Variants in IQSEC1 observed in about 807,000 individuals in gnomAD.
IQSEC1 encodes IQ motif and SEC7 domain-containing protein 1.
In IQSEC1, 31 loss-of-function variants were observed where a neutral mutation model predicts 91.0. The observed-to-expected ratio is 0.34, with a 90% CI of 0.26 to 0.46. The LOEUF is 0.46. Among genes scored for constraint, IQSEC1 ranks in the 20% least tolerant of loss-of-function variants. The probability of loss-of-function intolerance (pLI) is 1.00; values close to 1 mark genes in which losing one functional copy is unlikely to be tolerated. For missense variants in IQSEC1, 1,388 were observed against 1,575.6 expected (o/e 0.88, Z 2.02); for synonymous variants, 699 against 662.6 (o/e 1.05, Z -0.84).
intron 1 of IQSEC1, among the ~76,000 whole-genome samples, chr3:13,169,745 T>C (rs1484480957): frequency 2.0e-5 from 3 of 152,202 alleles, no homozygotes; most frequent in Non-Finnish European, 2.9e-5. Context: ...CTCTAGAGAT[T>C]TGTGGAACTT....
At chr3:12,932,775 C>T (rs2125280618) in intron 3 of IQSEC1, among the ~76,000 whole-genome samples, 1 of 152,346 alleles carries the variant, frequency 6.6e-6, no homozygotes, top group East Asian at 1.9e-4. Flanking sequence ...ACCCTCCTGC[C>T]TCTGGCTCCT....
At chr3:13,034,367 G>A (rs921010860) in intron 1 of IQSEC1, among the ~76,000 whole-genome samples, 1 of 152,246 alleles carries the variant, frequency 6.6e-6, no homozygotes, top group Non-Finnish European at 1.5e-5. Flanking sequence ...GTTACCAAGA[G>A]CAAGAAGTGT....
At chr3:12,920,406 G>C in intron 6 of IQSEC1, 24 bp downstream of exon 6, 1 of 1,608,776 alleles carries the variant, frequency 6.2e-7, no homozygotes, top group Non-Finnish European at 8.5e-7. Flanking sequence ...ATCTGTGGCT[G>C]GCCGACCGCC....
chr3:12,926,669 A>G (rs1697168695), intron 3 of IQSEC1, among the ~76,000 whole-genome samples: 1 of 152,240 alleles, frequency 6.6e-6, no homozygotes, highest in Admixed American at 6.5e-5. Flanking sequence ...CCCAGCAGGT[A>G]GAAGTCAGCA....
intron 2 of IQSEC1, among the ~76,000 whole-genome samples, chr3:13,159,720 C>T (rs564014547): frequency 1.3e-5 from 2 of 152,162 alleles, no homozygotes; most frequent in African/African-American, 4.8e-5. Context: ...ACAGTGAGAA[C>T]TCATTGAATG....
At chr3:13,167,891 G>A (rs762258826) in intron 1 of IQSEC1, among the ~76,000 whole-genome samples, 4 of 152,222 alleles carry the variant, frequency 2.6e-5, no homozygotes, top group Non-Finnish European at 4.4e-5. Flanking sequence ...AATGTTCTCA[G>A]CTTCTCTGGG....
Position 12,900,826 on chromosome 3 carries a change from C to T in IQSEC1, c.*157G>A, listed in dbSNP as rs1009177262. On this transcript the variant is annotated 3_prime_UTR_variant, in exon 14 of 14. Coordinates refer to ENST00000613206, the MANE Select transcript of IQSEC1 (RefSeq NM_001134382.3). ...GGGCCTTTGTTCCACACAACACCAG[C>T]CCTGTGGGCTCCTGGGGCTCCGGTT... 4 of 1,505,540 alleles carry T rather than the reference C, an allele frequency of 2.7e-6. No homozygotes were observed. The highest frequency in any genetic ancestry group is 1.8e-4 in the Middle Eastern group (1 of 5,538). 93.3% of individuals were successfully genotyped at this position (1,505,540 alleles called of 1,614,324 possible).
Position 13,103,605 on chromosome 3 carries a change from T to C in IQSEC1, c.303-56083A>G, listed in dbSNP as rs747713450. Among the ~76,000 whole-genome samples, 13 of 151,868 alleles carry C rather than the reference T, an allele frequency of 8.6e-5. No homozygotes were observed. The highest frequency in any genetic ancestry group is 1.8e-4 in the Non-Finnish European group (12 of 67,982). ...GCAAGAGCCAGAGCCGAGTGTGCCA[T>C]TGGGGTGGGCAATTTGCAGGATGAG... On this transcript the variant is annotated intron_variant, in intron 2 of 15. Coordinates refer to the IQSEC1 transcript ENST00000648114. This position sits in a 1 kb window ranked among gnomAD's most constrained non-coding sequence, Gnocchi z 4.1.
intron 1 of IQSEC1, among the ~76,000 whole-genome samples, chr3:12,953,059 T>C (rs1313752556): frequency 2.0e-5 from 3 of 152,222 alleles, no homozygotes; most frequent in Admixed American, 6.5e-5. Flanking sequence ...CAGCTGCTGA[T>C]AGGGCCTGAT....
intron 1 of IQSEC1, among the ~76,000 whole-genome samples, chr3:12,959,274 G>A (rs897653696): frequency 6.6e-5 from 10 of 152,208 alleles, no homozygotes; most frequent in South Asian, 2.1e-4. Context: ...TGGCAGGGGC[G>A]CAGCCTGGCT....
intron 1 of IQSEC1, among the ~76,000 whole-genome samples, chr3:13,169,509 C>T (rs897862685): frequency 3.3e-5 from 5 of 152,140 alleles, no homozygotes; most frequent in African/African-American, 4.8e-5. Flanking sequence ...GTAACAGACA[C>T]GGGTTGGAAC....
chr3:13,208,600 C>T (rs1257938013), intron 1 of IQSEC1, among the ~76,000 whole-genome samples: 1 of 152,242 alleles, frequency 6.6e-6, no homozygotes, highest in Non-Finnish European at 1.5e-5. Context: ...ATTTGCATGT[C>T]TGTTCCCCAG....
intron 9 of IQSEC1, 94 bp downstream of exon 9, chr3:12,913,334 T>G (rs1695745634): frequency 2.2e-6 from 3 of 1,362,846 alleles, no homozygotes; most frequent in Admixed American, 2.1e-5. Flanking sequence ...CACCCCCACA[T>G]GCATGCACAT....
At chr3:13,060,903 G>A (rs959582555) in intron 1 of IQSEC1, among the ~76,000 whole-genome samples, 46 of 137,114 alleles carry the variant, frequency 3.4e-4, no homozygotes, top group African/African-American at 1.1e-3. Context: ...CCTCAGCCCA[G>A]GGGGGAGCCT....
At chr3:13,127,650 A>G (rs1257111670) in intron 2 of IQSEC1, among the ~76,000 whole-genome samples, 2 of 152,308 alleles carry the variant, frequency 1.3e-5, no homozygotes, top group Admixed American at 1.3e-4. Context: ...AAGCTTATGT[A>G]TGTCTAGAGA....
chr3:13,157,645 G>A (rs898339109), intron 2 of IQSEC1, among the ~76,000 whole-genome samples: 2 of 152,130 alleles, frequency 1.3e-5, no homozygotes, highest in Non-Finnish European at 2.9e-5. Context: ...TAAACCCAGG[G>A]GAGCAAAGGA....
chr3:13,265,270 G>A (rs7645928), intron 1 of IQSEC1, among the ~76,000 whole-genome samples: 7,361 of 152,070 alleles, frequency 0.048, 586 homozygotes, highest in African/African-American at 0.17. Context: ...CATCCCCTAG[G>A]ATCAGGGCCC....
chr3:12,994,137 C>T lies in IQSEC1; in HGVS notation c.24-52272G>A, dbSNP rs1333796594. ...CGCCGTCCCCGCGGCCGGCGCGGCC[C>T]CAGAGCGTCCGGTGGCCGGGCGCGG... On this transcript the variant is annotated intron_variant, in intron 1 of 13. Coordinates refer to ENST00000613206, the MANE Select transcript of IQSEC1 (RefSeq NM_001134382.3). This position sits in a 1 kb window ranked among gnomAD's most constrained non-coding sequence, Gnocchi z 4.5. 1.4e-5 allele frequency among the ~76,000 whole-genome samples: 2 copies of T among 146,298 alleles called. No individual in the cohort carries two copies. Among genetic ancestry groups the T allele is most frequent in the African/African-American group, 4.9e-5 (2 of 40,822 alleles).
In IQSEC1 at chr3:12,992,919, A is replaced by G. The variant is rs1702052161; in HGVS notation, c.24-51054T>C. Among the ~76,000 whole-genome samples the G allele has an allele frequency of 6.6e-6, 1 of 151,442 alleles. No individual in the cohort carries two copies. The highest frequency in any genetic ancestry group is 2.4e-5 in the African/African-American group (1 of 41,150). On this transcript the variant is annotated intron_variant, in intron 1 of 13. Coordinates refer to ENST00000613206, the MANE Select transcript of IQSEC1 (RefSeq NM_001134382.3). This position sits in a 1 kb window ranked among gnomAD's most constrained non-coding sequence, Gnocchi z 4.1. The stretch of plus-strand genomic sequence containing the variant: ...TTAGGGGTGGGGAGAAGCTTGACTC[A>G]CCTCTGCCAACCCACCCTGCCTGCT...
Sources: allele counts gnomAD v4.1 joint callset (sites outside exome capture counted in the v4.1 genomes callset), GRCh38; gene constraint gnomAD v4.1.1; non-coding constraint Gnocchi (gnomAD v3.1); transcripts MANE v1.5; gene names NCBI Gene and HGNC (gene_info 2026-07-23, HGNC 2026-07-21).